ANKS1A: variants seen among roughly 807,000 people sequenced by gnomAD.
The protein encoded by ANKS1A is ankyrin repeat and sterile alpha motif domain containing 1A.
Under a neutral mutation model 120.3 loss-of-function variants are expected in ANKS1A, and 55 were observed. The ratio of observed to expected loss-of-function variants is 0.46; its 90% CI spans 0.37 to 0.57. ANKS1A has a LOEUF of 0.57. ANKS1A is among the 20% of genes least tolerant of loss of function. The pLI, the probability that ANKS1A is intolerant of heterozygous loss-of-function variation, is 0.00. For missense variants in ANKS1A, 1,123 were observed against 1,480.3 expected (o/e 0.76, Z 3.96); for synonymous variants, 590 against 604.7 (o/e 0.98, Z 0.36).
chr6:34,895,397 A>G (rs1767021263), intron 1 of ANKS1A, among the ~76,000 whole-genome samples: 1 of 152,138 alleles, frequency 6.6e-6, no homozygotes, highest in South Asian at 2.1e-4. Flanking sequence ...AGTGATTAGC[A>G]TAACCATTCT....
intron 13 of ANKS1A, among the ~76,000 whole-genome samples, chr6:35,073,948 C>A (rs1054458743): frequency 6.6e-6 from 1 of 152,244 alleles, no homozygotes; most frequent in Non-Finnish European, 1.5e-5. Context: ...ATTGGGAGGA[C>A]CCCGCGCTGC....
At chr6:34,976,926 C>T (rs76276993) in intron 3 of ANKS1A, among the ~76,000 whole-genome samples, 2,978 of 152,220 alleles carry the variant, frequency 0.02, 47 homozygotes, top group Non-Finnish European at 0.03. Flanking sequence ...AGAACAAGGA[C>T]ATTCGCTTAT....
intron 8 of ANKS1A, among the ~76,000 whole-genome samples, chr6:34,986,074 A>G (rs983543461): frequency 6.6e-6 from 1 of 152,240 alleles, no homozygotes. Context: ...TGAGCCTACA[A>G]TTGGGCAAAA....
At chr6:34,995,954 G>A (rs1772829641) in intron 10 of ANKS1A, among the ~76,000 whole-genome samples, 1 of 152,166 alleles carries the variant, frequency 6.6e-6, no homozygotes, top group Non-Finnish European at 1.5e-5. Flanking sequence ...AGCAATAGAT[G>A]TTTAACTTTA....
chr6:35,091,042 G>T lies in ANKS1A; in HGVS notation c.*2433G>T. ...GTCAGAGACATTAGAAAACCAGTCT[G>T]AATTGGGTCTGTCTTTGAGATGCCC... On this transcript the variant is annotated 3_prime_UTR_variant, in exon 24 of 24. Coordinates refer to ENST00000360359, the MANE Select transcript of ANKS1A (RefSeq NM_015245.3). 2 of 985,924 alleles carry T rather than the reference G, an allele frequency of 2.0e-6. No homozygotes were observed. Among genetic ancestry groups the T allele is most frequent in the South Asian group, 9.4e-5 (2 of 21,288 alleles). 61.1% of individuals were successfully genotyped at this position (985,924 alleles called of 1,614,324 possible).
intron 11 of ANKS1A, among the ~76,000 whole-genome samples, chr6:35,033,253 C>T (rs1457972053): frequency 1.3e-5 from 2 of 152,170 alleles, no homozygotes; most frequent in African/African-American, 4.8e-5. Context: ...AGCTCCTGCT[C>T]AGGTAGCTCC....
chr6:35,020,834 A>G (rs1446447888), intron 11 of ANKS1A, among the ~76,000 whole-genome samples: 1 of 152,226 alleles, frequency 6.6e-6, no homozygotes, highest in African/African-American at 2.4e-5. Context: ...ACAATGGCCC[A>G]GGGATCTACA....
intron 11 of ANKS1A, among the ~76,000 whole-genome samples, chr6:35,038,595 C>T (rs1309316219): frequency 6.6e-6 from 1 of 152,120 alleles, no homozygotes; most frequent in Non-Finnish European, 1.5e-5. Context: ...GATCCTTCTG[C>T]CTCAGCCTCC....
At chr6:34,929,575 C>G (rs1040403477) in intron 1 of ANKS1A, among the ~76,000 whole-genome samples, 1 of 152,162 alleles carries the variant, frequency 6.6e-6, no homozygotes, top group Non-Finnish European at 1.5e-5. Flanking sequence ...CAATCTGCCA[C>G]TTTGCTTAGA....
chr6:35,078,389 G>A (rs555944976), intron 13 of ANKS1A, among the ~76,000 whole-genome samples, 169 bp from the exon 14 acceptor site: 33 of 152,234 alleles, frequency 2.2e-4, no homozygotes, highest in African/African-American at 7.9e-4. Flanking sequence ...GCTCCCCTGG[G>A]AGCCGCCCGG....
In ANKS1A at chr6:34,947,163, T is replaced by G. The variant is rs1325254290; in HGVS notation, c.198-20076T>G. 3.5e-4 allele frequency among the ~76,000 whole-genome samples: 46 copies of G among 132,072 alleles called. 1 individual carries two copies. The highest frequency in any genetic ancestry group is 3.1e-3 in the Admixed American group (41 of 13,140). The allele number at this position is 132,072 out of a possible 152,430, so 86.6% of individuals were successfully genotyped here. A position where few individuals can be genotyped will look rare whatever the true frequency, so the allele number is the denominator to read the frequency against. ...GACTCTTTTTTTTTTTTTTTTTTTT[T>G]GAGATGGAGTCTCGCTCTGTCATCC... is the stretch of plus-strand genomic sequence containing the variant. On this transcript the variant is annotated intron_variant, in intron 1 of 23. Coordinates refer to ENST00000360359, the MANE Select transcript of ANKS1A (RefSeq NM_015245.3).
At position 34,994,352 on chromosome 6, in the gene ANKS1A, C is replaced by T. The variant is rs1355555318; in HGVS notation, c.1353C>T (p.Asp451=). ...RIHGSAAREE[D]EHPYELLLTA... ...ATGGGAGTGCAGCCCGGGAAGAAGACGAACACCCTTATGAACTGTTGTTAA... is the reference window on the plus strand; with the variant it reads ...ATGGGAGTGCAGCCCGGGAAGAAGATGAACACCCTTATGAACTGTTGTTAA... The change falls in exon 10 of 24, where the codon GAC becomes GAT. Residue 451 remains aspartate (D), a synonymous_variant. Coordinates refer to ENST00000360359, the MANE Select transcript of ANKS1A (RefSeq NM_015245.3). The T allele has an allele frequency of 7.4e-6, 12 of 1,613,602 alleles. No individual in the cohort carries two copies. Among genetic ancestry groups the T allele is most frequent in the Non-Finnish European group, 1.0e-5 (12 of 1,179,634 alleles).
intron 1 of ANKS1A, among the ~76,000 whole-genome samples, chr6:34,957,383 G>A (rs1770426639): frequency 6.6e-6 from 1 of 152,162 alleles, no homozygotes; most frequent in African/African-American, 2.4e-5. Context: ...TATGTAGAAA[G>A]CATTTTAGGA....
rs1209820714 is a variant in ANKS1A at position 34,889,259 on chromosome 6, A to G, written c.-144A>G. On this transcript the variant is annotated 5_prime_UTR_variant, in exon 1 of 24. Coordinates refer to ENST00000360359, the MANE Select transcript of ANKS1A (RefSeq NM_015245.3). This position sits in a 1 kb window ranked among gnomAD's most constrained non-coding sequence, Gnocchi z 5.5. ...CGCGTGACGCCGGATCCCGGAAGTG[A>G]CGCGCTCGTGGGGAAAAGGCAGGGA... 1 of 1,134,908 alleles carries G rather than the reference A, an allele frequency of 8.8e-7. No homozygotes were observed. Among genetic ancestry groups the G allele is most frequent in the Non-Finnish European group, 1.1e-6 (1 of 903,864 alleles). The allele number at this position is 1,134,908 out of a possible 1,614,324, so 70.3% of individuals were successfully genotyped here. A position where few individuals can be genotyped will look rare whatever the true frequency, so the allele number is the denominator to read the frequency against.
At chr6:34,973,796 A>G (rs2127515983) in intron 3 of ANKS1A, among the ~76,000 whole-genome samples, 1 of 152,086 alleles carries the variant, frequency 6.6e-6, no homozygotes, top group South Asian at 2.1e-4. Context: ...GTAGTGGAGC[A>G]CATCAGCTTT....
intron 3 of ANKS1A, among the ~76,000 whole-genome samples, chr6:34,972,427 G>A (rs141887264): frequency 6.6e-5 from 10 of 152,256 alleles, no homozygotes; most frequent in Middle Eastern, 3.4e-3. Flanking sequence ...AGAGTAAGGT[G>A]CTCTGGAGGT....
chr6:35,001,711 C>T (rs993379681), intron 10 of ANKS1A, among the ~76,000 whole-genome samples: 5 of 152,202 alleles, frequency 3.3e-5, no homozygotes, highest in Non-Finnish European at 7.3e-5. Context: ...CATCCCCGAG[C>T]GGATGTGTGG....
At chr6:35,096,323 T>C (rs1403014845), downstream of ANKS1A, among the ~76,000 whole-genome samples, 1 of 152,188 alleles carries the variant, frequency 6.6e-6, no homozygotes, top group Non-Finnish European at 1.5e-5. Context: ...TTTTGTCCTT[T>C]CTGGAAAGTC....
At chr6:35,078,077 C>G (rs1333632856) in intron 13 of ANKS1A, among the ~76,000 whole-genome samples, 1 of 152,182 alleles carries the variant, frequency 6.6e-6, no homozygotes, top group Non-Finnish European at 1.5e-5. Flanking sequence ...CTGACAGTCT[C>G]CCCCTTGGAG....
Sources: gnomAD v4.1 joint callset for allele counts (sites outside exome capture counted in the v4.1 genomes callset) on GRCh38, gnomAD v4.1.1 for gene constraint, Gnocchi (gnomAD v3.1) non-coding constraint, MANE v1.5 for transcripts, NCBI Gene and HGNC (gene_info 2026-07-23, HGNC 2026-07-21) for gene names.